Variants in ASB7 observed in about 807,000 individuals in gnomAD.
ASB7 encodes the protein ankyrin repeat and SOCS box containing 7.
A neutral mutation model predicts 32.5 loss-of-function variants in ASB7; 4 were observed. The ratio of observed to expected loss-of-function variants is 0.12; its 90% CI spans 0.06 to 0.28. The LOEUF (loss-of-function observed/expected upper bound fraction) is 0.28, where lower values mean the gene tolerates loss of function less well. Ranked by LOEUF, ASB7 falls within the 10% of genes least tolerant of loss-of-function variation. The pLI is 1.00. For missense variants in ASB7, 181 were observed against 407.1 expected (o/e 0.44, Z 4.78); for synonymous variants, 172 against 155.6 (o/e 1.11, Z -0.78).
intron 5 of ASB7, among the ~76,000 whole-genome samples, chr15:100,634,485 G>A (rs1039148730): frequency 6.6e-6 from 1 of 152,298 alleles, no homozygotes; most frequent in South Asian, 2.1e-4. Context: ...AGCCACTTCT[G>A]CAGGTGAAAG....
At chr15:100,648,260 C>T (rs1313432588) in intron 5 of ASB7, 63 bp from the exon 6 acceptor site, 5 of 1,477,510 alleles carry the variant, frequency 3.4e-6, no homozygotes, top group Non-Finnish European at 4.5e-6. Flanking sequence ...CAGTTCTTTT[C>T]AAAAGTGCCT....
intron 4 of ASB7, among the ~76,000 whole-genome samples, chr15:100,620,867 G>T (rs373901540): frequency 6.6e-6 from 1 of 152,096 alleles, no homozygotes; most frequent in Non-Finnish European, 1.5e-5. Context: ...ATTGGCCCAC[G>T]GGCAGTTGGC....
At chr15:100,638,066 T>C (rs2039936564) in intron 5 of ASB7, among the ~76,000 whole-genome samples, 1 of 152,102 alleles carries the variant, frequency 6.6e-6, no homozygotes, top group African/African-American at 2.4e-5. Context: ...TAAATATAGA[T>C]AAGTATAACT....
Position 100,648,839 on chromosome 15 carries a change from A to T in ASB7, c.*377A>T, listed in dbSNP as rs1265239426. 2.6e-5 allele frequency: 4 copies of T among 155,466 alleles called. No individual in the cohort carries two copies. The highest frequency in any genetic ancestry group is 9.6e-5 in the African/African-American group (4 of 41,532). The allele number at this position is 155,466 out of a possible 1,614,324, so 9.6% of individuals were successfully genotyped here. A position where few individuals can be genotyped will look rare whatever the true frequency, so the allele number is the denominator to read the frequency against. ...GGTAAGCACGGTATTCTAAACCAGC[A>T]GAGCACTTGTTAACGTTTGGAGGCA... is the stretch of plus-strand genomic sequence containing the variant. On this transcript the variant is annotated 3_prime_UTR_variant, in exon 6 of 6. Coordinates refer to ENST00000332783, the MANE Select transcript of ASB7 (RefSeq NM_198243.3).
intron 4 of ASB7, among the ~76,000 whole-genome samples, chr15:100,614,572 A>G (rs1243393017): frequency 6.6e-6 from 1 of 152,146 alleles, no homozygotes; most frequent in Non-Finnish European, 1.5e-5. Flanking sequence ...GCTGTGTTCC[A>G]GTAAAACTTT....
intron 5 of ASB7, among the ~76,000 whole-genome samples, chr15:100,630,730 G>A (rs147126818): frequency 1.8e-4 from 28 of 152,154 alleles, no homozygotes; most frequent in Admixed American, 8.5e-4. Context: ...TAACGCGTGC[G>A]TCCTAGTTGT....
intron 4 of ASB7, among the ~76,000 whole-genome samples, chr15:100,622,222 C>T (rs1050547062): frequency 4.8e-5 from 1 of 20,780 alleles, no homozygotes; most frequent in Non-Finnish European, 1.1e-4. Flanking sequence ...AGAAAAAAAA[C>T]CCAACAACCT....
chr15:100,617,478 CT>C (rs1597001138), intron 4 of ASB7, among the ~76,000 whole-genome samples: 1 of 152,186 alleles, frequency 6.6e-6, no homozygotes, highest in Admixed American at 6.5e-5. Context: ...CTCCCCACCC[CT>C]GCCCCATCAC....
rs1030819801 is a variant in ASB7, at chr15:100,650,096, G to A, written c.*1634G>A. ...AAGCATTGCACAGGTTTCCGAAGAC[G>A]GGCAGCTTCAGAGAAGAGGATTATT... On this transcript the variant is annotated 3_prime_UTR_variant, in exon 6 of 6. Transcript: ENST00000332783. 1 of 152,158 alleles carries A rather than the reference G, an allele frequency of 6.6e-6. No homozygotes were observed. Among genetic ancestry groups the A allele is most frequent in the Non-Finnish European group, 1.5e-5 (1 of 68,056 alleles). 9.4% of individuals were successfully genotyped at this position (152,158 alleles called of 1,614,324 possible).
chr15:100,623,980 A>G (rs2039814926), intron 4 of ASB7, among the ~76,000 whole-genome samples: 1 of 152,208 alleles, frequency 6.6e-6, no homozygotes, highest in African/African-American at 2.4e-5. Context: ...ATAGAATACA[A>G]TTTGGCCATA....
chr15:100,645,069 C>T (rs1187454562), intron 5 of ASB7, among the ~76,000 whole-genome samples: 1 of 152,160 alleles, frequency 6.6e-6, no homozygotes, highest in Non-Finnish European at 1.5e-5. Context: ...TCACTGTAAG[C>T]AAGTACAATG....
chr15:100,640,090 G>A (rs1597011511), intron 5 of ASB7, among the ~76,000 whole-genome samples: 1 of 152,274 alleles, frequency 6.6e-6, no homozygotes, highest in East Asian at 1.9e-4. Flanking sequence ...CCTCTGAAGG[G>A]AATTCAGAGG....
chr15:100,634,318 C>T (rs915760265), intron 5 of ASB7, among the ~76,000 whole-genome samples: 3 of 152,298 alleles, frequency 2.0e-5, no homozygotes, highest in East Asian at 3.9e-4. Flanking sequence ...TACGTATTCA[C>T]GTGTACACAC....
chr15:100,632,879 G>A (rs1342854518), intron 5 of ASB7, among the ~76,000 whole-genome samples: 1 of 150,474 alleles, frequency 6.6e-6, no homozygotes, highest in Non-Finnish European at 1.5e-5. Flanking sequence ...AAAACAGAGC[G>A]CACCCGTGGC....
chr15:100,627,098 AAATCC>A (rs1216957039), intron 4 of ASB7, among the ~76,000 whole-genome samples: 2 of 152,186 alleles, frequency 1.3e-5, no homozygotes, highest in Non-Finnish European at 2.9e-5. Flanking sequence ...AGAAAAAAAA[AAATCC>A]CCTCATATTC....
At chr15:100,631,845 C>T (rs8036451) in intron 5 of ASB7, among the ~76,000 whole-genome samples, 43,391 of 152,182 alleles carry the variant, frequency 0.29, 7,401 homozygotes, top group South Asian at 0.42. Flanking sequence ...AATTGTTTTT[C>T]AAGGTGAAGT....
chr15:100,643,477 CTTTTTT>C (rs1172063471), intron 5 of ASB7, among the ~76,000 whole-genome samples: 4 of 104,380 alleles, frequency 3.8e-5, no homozygotes, highest in African/African-American at 7.8e-5. Context: ...GTCCCTTCTT[CTTTTTT>C]TTTTTTTTTT....
At chr15:100,605,210 TGA>T (rs1286352627) in intron 2 of ASB7, among the ~76,000 whole-genome samples, 1 of 152,240 alleles carries the variant, frequency 6.6e-6, no homozygotes, top group African/African-American at 2.4e-5. Context: ...TCAGAATGAC[TGA>T]GAGTATTTGG....
Position 100,602,732 on chromosome 15 carries a change from C to T in ASB7, c.-587C>T, listed in dbSNP as rs2039559488. 1 of 372,934 alleles carries T rather than the reference C, an allele frequency of 2.7e-6. No homozygotes were observed. Among genetic ancestry groups the T allele is most frequent in the East Asian group, 3.9e-5 (1 of 25,712 alleles). 23.1% of individuals were successfully genotyped at this position (372,934 alleles called of 1,614,324 possible). A position where few individuals can be genotyped will look rare whatever the true frequency, so the allele number is the denominator to read the frequency against. On this transcript the variant is annotated 5_prime_UTR_variant, in exon 1 of 6. Coordinates refer to ENST00000332783, the MANE Select transcript of ASB7 (RefSeq NM_198243.3). The stretch of plus-strand genomic sequence containing the variant: ...TCGCCGTCCCGAGACCTCCTGGGTC[C>T]CTCCGTAGCTGGAAGCCTCCGGCCC...
Sources: allele counts gnomAD v4.1 joint callset (sites outside exome capture counted in the v4.1 genomes callset), GRCh38; gene constraint gnomAD v4.1.1; transcripts MANE v1.5; gene names NCBI Gene and HGNC (gene_info 2026-07-23, HGNC 2026-07-21).